Variants in GSDME observed in about 807,000 individuals in gnomAD.
GSDME encodes gasdermin-E.
In GSDME, 44 loss-of-function variants were observed where a neutral mutation model predicts 47.5. The ratio of observed to expected loss-of-function variants is 0.93; its 90% CI spans 0.73 to 1.19. GSDME has a LOEUF of 1.19. GSDME is among the 50% of genes most tolerant of loss of function. The pLI is 0.00. For synonymous variants in GSDME, 258 were observed against 252.8 expected (o/e 1.02, Z -0.20); for missense variants, 663 against 604.2 (o/e 1.10, Z -1.02).
At position 24,698,773 on chromosome 7, in the gene GSDME, C is replaced by G; in HGVS notation, c.*253G>C. ...TGAATGTATGCTAAGAATTCTCCGC[C>G]CTCCCAGCTCTTTACATGCTGGAAC... On this transcript the variant is annotated 3_prime_UTR_variant, in exon 10 of 10. Coordinates refer to ENST00000645220, the MANE Select transcript of GSDME (RefSeq NM_001127453.2). 1 of 528,818 alleles carries G rather than the reference C, an allele frequency of 1.9e-6. No homozygotes were observed. The highest frequency in any genetic ancestry group is 3.4e-6 in the Non-Finnish European group (1 of 292,640). The allele number at this position is 528,818 out of a possible 1,614,324, so 32.8% of individuals were successfully genotyped here.
intron 3 of GSDME, among the ~76,000 whole-genome samples, chr7:24,722,268 C>T (rs775963269): frequency 9.9e-5 from 15 of 152,280 alleles, no homozygotes; most frequent in Non-Finnish European, 1.6e-4. Context: ...TGTGCATCCA[C>T]GTGTGAAAGA....
intron 7 of GSDME, 47 bp downstream of exon 7, chr7:24,708,080 C>G: frequency 6.2e-7 from 1 of 1,611,196 alleles, no homozygotes; most frequent in Non-Finnish European, 8.5e-7. Flanking sequence ...TCCCCTGTTC[C>G]AGAAAACCCC....
the GSDME span, among the ~76,000 whole-genome samples, chr7:24,787,372 C>A: frequency 1.3e-5 from 2 of 151,632 alleles, no homozygotes; most frequent in African/African-American, 4.8e-5. This position sits in a 1 kb window ranked among gnomAD's most constrained non-coding sequence, Gnocchi z 5.0. Context: ...TTTTTGAGGT[C>A]CTAGAATAAT....
At chr7:24,730,466 G>A (rs552563860) in intron 3 of GSDME, among the ~76,000 whole-genome samples, 1 of 152,310 alleles carries the variant, frequency 6.6e-6, no homozygotes, top group East Asian at 1.9e-4. Context: ...GTACTTGAAT[G>A]ATTCTTCTTA....
upstream of GSDME, among the ~76,000 whole-genome samples, chr7:24,759,683 G>T (rs534972158): frequency 6.6e-6 from 1 of 152,226 alleles, no homozygotes; most frequent in Admixed American, 6.5e-5. Context: ...CCACCATAGG[G>T]TAGACTCTCC....
upstream of GSDME, among the ~76,000 whole-genome samples, chr7:24,762,791 T>C (rs1031638569): frequency 6.7e-6 from 1 of 148,580 alleles, no homozygotes; most frequent in African/African-American, 2.5e-5. Context: ...AATACAATAG[T>C]AGCTTATTTC....
Position 24,756,262 on chromosome 7 carries a change from T to C in GSDME, c.-20+1134A>G, listed in dbSNP as rs565739886. Among the ~76,000 whole-genome samples the C allele has an allele frequency of 1.1e-3, 163 of 151,930 alleles. 7 individuals are homozygous for C. In the South Asian group the frequency reaches 0.033, roughly 30 times the overall value. On this transcript the variant is annotated intron_variant, in intron 1 of 9. Coordinates refer to ENST00000645220, the MANE Select transcript of GSDME (RefSeq NM_001127453.2). The surrounding 1 kb of genome is among the most constrained non-coding windows in gnomAD (Gnocchi z 4.2). ...AGGCACCTGCGGTCTCAGCTACGGG[T>C]GTATGGGAGGATCCCTTGAGCCCAG...
intron 3 of GSDME, among the ~76,000 whole-genome samples, chr7:24,729,154 G>T (rs904140508): frequency 1.2e-4 from 18 of 152,222 alleles, no homozygotes; most frequent in Admixed American, 3.3e-4. Flanking sequence ...TGGATGAAAT[G>T]CAGCAAGCCT....
chr7:24,759,671 A>G (rs1353515976), upstream of GSDME, among the ~76,000 whole-genome samples: 1 of 152,168 alleles, frequency 6.6e-6, no homozygotes, highest in Admixed American at 6.5e-5. Flanking sequence ...CTGAGTTTTA[A>G]CCCACCATAG....
At chr7:24,791,375 C>T in the GSDME span, among the ~76,000 whole-genome samples, 9 of 152,300 alleles carry the variant, frequency 5.9e-5, no homozygotes, top group African/African-American at 2.2e-4. The surrounding 1 kb of genome is among the most constrained non-coding windows in gnomAD (Gnocchi z 4.8). Flanking sequence ...ACTTGGAGAT[C>T]TTCAAAGGGG....
chr7:24,714,340 C>T lies in GSDME; in HGVS notation c.697+2914G>A, dbSNP rs1311641469. Reference sequence around the variant, plus strand: ...AGGTAGGGAGAGAGAGCAGGCATGTCTTCTCAAGGGCCCTTCCAACCACTG... The same window carrying T: ...AGGTAGGGAGAGAGAGCAGGCATGTTTTCTCAAGGGCCCTTCCAACCACTG... On this transcript the variant is annotated intron_variant, in intron 5 of 9. Transcript: ENST00000645220. The surrounding 1 kb of genome is among the most constrained non-coding windows in gnomAD (Gnocchi z 5.0). Among the ~76,000 whole-genome samples, 1 of 152,160 alleles carries T rather than the reference C, an allele frequency of 6.6e-6. No homozygotes were observed. Among genetic ancestry groups the T allele is most frequent in the Non-Finnish European group, 1.5e-5 (1 of 68,040 alleles).
the GSDME span, among the ~76,000 whole-genome samples, chr7:24,781,946 A>T: frequency 4.6e-5 from 7 of 152,060 alleles, no homozygotes; most frequent in Non-Finnish European, 1.0e-4. Flanking sequence ...ATGTCTTGCT[A>T]TGTTGCCCAG....
At position 24,736,982 on chromosome 7, in the gene GSDME, C is replaced by G. The variant is rs1562708379; in HGVS notation, c.404+7580G>C. On this transcript the variant is annotated intron_variant, in intron 3 of 9. Transcript: ENST00000645220. The surrounding 1 kb of genome is among the most constrained non-coding windows in gnomAD (Gnocchi z 4.6). ...GAAACAAATGATAACAGAAACACAACAGCAAAACCTATGGGGTACATCAAA... is the reference window on the plus strand; with the variant it reads ...GAAACAAATGATAACAGAAACACAAGAGCAAAACCTATGGGGTACATCAAA... 6.6e-6 allele frequency among the ~76,000 whole-genome samples: 1 copy of G among 152,014 alleles called. No homozygotes were observed. Among genetic ancestry groups the G allele is most frequent in the Non-Finnish European group, 1.5e-5 (1 of 67,968 alleles).
rs1789460201 is a variant in GSDME, at chr7:24,714,248, G to A, written c.697+3006C>T. On this transcript the variant is annotated intron_variant, in intron 5 of 9. Transcript: ENST00000645220. The surrounding 1 kb of genome is among the most constrained non-coding windows in gnomAD (Gnocchi z 5.0). Reference sequence around the variant, plus strand: ...TGAAGCACCTGGCCGGGATACAGATGGAGTCTGCCTCCCTTCGAGGTTTCA... The same window carrying A: ...TGAAGCACCTGGCCGGGATACAGATAGAGTCTGCCTCCCTTCGAGGTTTCA... Among the ~76,000 whole-genome samples, 1 of 152,156 alleles carries A rather than the reference G, an allele frequency of 6.6e-6. No individual in the cohort carries two copies. Among genetic ancestry groups the A allele is most frequent in the African/African-American group, 2.4e-5 (1 of 41,426 alleles).
At chr7:24,731,341 T>G (rs1157846164) in intron 3 of GSDME, among the ~76,000 whole-genome samples, 1 of 152,228 alleles carries the variant, frequency 6.6e-6, no homozygotes, top group African/African-American at 2.4e-5. Context: ...GCACTTATTT[T>G]GGGGAACACG....
intron 3 of GSDME, among the ~76,000 whole-genome samples, chr7:24,731,414 G>A (rs897811535): frequency 6.6e-6 from 1 of 152,226 alleles, no homozygotes; most frequent in Non-Finnish European, 1.5e-5. Context: ...GCTCCACGGT[G>A]GAGTTCAGAA....
the GSDME span, among the ~76,000 whole-genome samples, chr7:24,776,263 C>T: frequency 1.3e-5 from 2 of 150,746 alleles, no homozygotes; most frequent in African/African-American, 4.9e-5. Context: ...CCACAGTGGA[C>T]GTGGTGGCGG....
chr7:24,741,478 T>C (rs1345689952), intron 3 of GSDME, among the ~76,000 whole-genome samples: 2 of 152,172 alleles, frequency 1.3e-5, no homozygotes, highest in Non-Finnish European at 2.9e-5. Context: ...CAGCTCCAGG[T>C]ATCCGGAAGG....
chr7:24,706,358 C>G lies in GSDME; in HGVS notation c.1009G>C (p.Gly337Arg). Reference sequence around the variant, plus strand: ...AGCACCGCCACTGTGGGCGAGAGGCCGCTGACCAGGTCATCGCACTGTAGG... The same window carrying G: ...AGCACCGCCACTGTGGGCGAGAGGCGGCTGACCAGGTCATCGCACTGTAGG... ...LEPVCDDLVS[G>R]LSPTVAVLGE... is the part of the protein sequence containing the mutation. The change falls in exon 8 of 10, where the codon GGC (glycine) becomes CGC (arginine). Residue 337 changes from glycine to arginine, a missense_variant. Physicochemically the swap from Gly to Arg is moderately radical, Grantham distance 125. Transcript: ENST00000645220. 6.2e-7 allele frequency: 1 copy of G among 1,612,860 alleles called. No individual in the cohort carries two copies. The highest frequency in any genetic ancestry group is 1.1e-5 in the South Asian group (1 of 91,006).
Sources: allele counts gnomAD v4.1 joint callset (sites outside exome capture counted in the v4.1 genomes callset), GRCh38; gene constraint gnomAD v4.1.1; non-coding constraint Gnocchi (gnomAD v3.1); transcripts MANE v1.5; gene names NCBI Gene and HGNC (gene_info 2026-07-23, HGNC 2026-07-21).